NRDC: variants seen among roughly 807,000 people sequenced by gnomAD.
The protein encoded by NRDC is nardilysin.
NRDC carries 54 observed loss-of-function variants against 147.1 expected under a neutral mutation model. That is an observed-to-expected ratio of 0.37 (90% CI 0.29 to 0.46). The LOEUF is 0.46. Ranked by LOEUF, NRDC falls within the 20% of genes least tolerant of loss-of-function variation. The pLI, the probability that NRDC is intolerant of heterozygous loss-of-function variation, is 1.00. For synonymous variants in NRDC, 440 were observed against 482.1 expected (o/e 0.91, Z 1.14); for missense variants, 1,082 against 1,370.6 (o/e 0.79, Z 3.33).
At chr1:51,859,512 A>T (rs568492779) in intron 1 of NRDC, among the ~76,000 whole-genome samples, 1 of 152,296 alleles carries the variant, frequency 6.6e-6, no homozygotes, top group South Asian at 2.1e-4. Context: ...CCCCTGCCCT[A>T]GCTTTGCCTC....
intron 26 of NRDC, among the ~76,000 whole-genome samples, 170 bp from the exon 27 acceptor site, chr1:51,791,831 CACAA>C (rs1010763160): frequency 6.6e-6 from 1 of 152,168 alleles, no homozygotes; most frequent in African/African-American, 2.4e-5. Context: ...AATTGGGGAC[CACAA>C]ACTAGCCTTT....
chr1:51,800,904 T>C, intron 20 of NRDC: 1 of 485,200 alleles, frequency 2.1e-6, no homozygotes, highest in Non-Finnish European at 3.7e-6. Context: ...GCAGTGGTAC[T>C]ATCGACTGTA....
chr1:51,809,576 A>T (rs72663139), intron 16 of NRDC, among the ~76,000 whole-genome samples, 175 bp from the exon 17 acceptor site: 6 of 152,274 alleles, frequency 3.9e-5, no homozygotes, highest in Admixed American at 6.5e-5. Context: ...TCCTAGCAGC[A>T]CTGGCATCAC....
rs542285626 is a variant in NRDC, at chr1:51,793,710, G to T, written c.2775+762C>A. 2.0e-5 allele frequency among the ~76,000 whole-genome samples: 3 copies of T among 152,328 alleles called. No individual in the cohort carries two copies. In the East Asian group the frequency reaches 5.8e-4, roughly 29 times the overall value. ...CCAGTCAGGGATCTTCACAAGACCT[G>T]ACAAAGAAGTGAATTCCTGATGCAG... On this transcript the variant is annotated intron_variant, in intron 24 of 30. Transcript: ENST00000352171.
At chr1:51,873,915 G>A (rs551514312) in intron 1 of NRDC, among the ~76,000 whole-genome samples, 6 of 151,840 alleles carry the variant, frequency 4.0e-5, no homozygotes, top group African/African-American at 1.2e-4. Context: ...TCGACAGGGC[G>A]TGGTAGCTCA....
chr1:51,798,380 G>A lies in NRDC; in HGVS notation c.2473C>T (p.Arg825Cys), dbSNP rs757179835. 2.5e-6 allele frequency: 4 copies of A among 1,613,930 alleles called. No homozygotes were observed. Among genetic ancestry groups the A allele is most frequent in the South Asian group, 1.1e-5 (1 of 91,076 alleles). ...DVRLLILEYA[R>C]WSMIDKYQAL... ...TGGTACTTGTCAATCATAGACCAAC[G>A]GGCATATTCCAAGATTAAAAGCCGT... The change falls in exon 22 of 31, where the codon CGT (arginine) becomes TGT (cysteine). Residue 825 changes from arginine (R) to cysteine (C), a missense_variant. Physicochemically the swap from Arg to Cys is radical, Grantham distance 180 (BLOSUM62 -3). This residue lies in a region of NRDC where 635 missense variants were observed against 923.8 expected (regional missense o/e 0.69). Coordinates refer to ENST00000352171, the MANE Select transcript of NRDC (RefSeq NM_001101662.2).
intron 2 of NRDC, among the ~76,000 whole-genome samples, chr1:51,838,101 C>T (rs981503060): frequency 1.3e-5 from 2 of 152,196 alleles, no homozygotes; most frequent in African/African-American, 4.8e-5. Context: ...GAACCCATTG[C>T]TTCTGAATCA....
chr1:51,878,254 A>C, intron 1 of NRDC, 21 bp downstream of exon 1: 1 of 1,597,434 alleles, frequency 6.3e-7, no homozygotes, highest in South Asian at 1.1e-5. Flanking sequence ...TCGCCTCCCC[A>C]TTGCAAGCCT....
At chr1:51,802,681 T>C (rs1018190379) in intron 20 of NRDC, among the ~76,000 whole-genome samples, 6 of 152,184 alleles carry the variant, frequency 3.9e-5, no homozygotes, top group African/African-American at 1.4e-4. Flanking sequence ...CTGAGACCAA[T>C]CTTTGTTCCA....
At chr1:51,817,112 T>C (rs1405287997) in intron 10 of NRDC, among the ~76,000 whole-genome samples, 2 of 152,198 alleles carry the variant, frequency 1.3e-5, no homozygotes, top group African/African-American at 4.8e-5. Context: ...TCTGTATATA[T>C]GAGAAAATTT....
intron 1 of NRDC, among the ~76,000 whole-genome samples, chr1:51,872,848 G>A (rs949321585): frequency 6.0e-5 from 9 of 150,734 alleles, no homozygotes; most frequent in African/African-American, 1.7e-4. Context: ...TTTGAATCTC[G>A]TGAAGTAATA....
At chr1:51,824,517 A>G (rs1325040640) in intron 6 of NRDC, among the ~76,000 whole-genome samples, 1 of 152,210 alleles carries the variant, frequency 6.6e-6, no homozygotes, top group Non-Finnish European at 1.5e-5. Flanking sequence ...AACACCCTTT[A>G]AAGAATAATT....
chr1:51,816,377 A>T lies in NRDC; in HGVS notation c.1374T>A (p.Leu458=). ...PQQQHYRVKP[L]HYISWLVGHE... is the part of the protein sequence containing the mutation. ...GTCCAACCAGCCAGGATATATAATG[A>T]AGTGGCTTCACCCTTTTAAAAAAAT... is the stretch of plus-strand genomic sequence containing the variant. Residue 458 remains leucine (L), a synonymous_variant, in exon 11 of 31, where the codon CTT becomes CTA. Coordinates refer to ENST00000352171, the MANE Select transcript of NRDC (RefSeq NM_001101662.2). 2 of 1,598,204 alleles carry T rather than the reference A, an allele frequency of 1.3e-6. No homozygotes were observed. Among genetic ancestry groups the T allele is most frequent in the Non-Finnish European group, 1.7e-6 (2 of 1,171,968 alleles).
intron 4 of NRDC, among the ~76,000 whole-genome samples, chr1:51,832,910 C>T (rs1396890772): frequency 6.6e-6 from 1 of 152,086 alleles, no homozygotes; most frequent in Non-Finnish European, 1.5e-5. Flanking sequence ...TGATTAAACA[C>T]CTTATGGTAC....
At chr1:51,826,490 T>A (rs1274614911) in intron 5 of NRDC, among the ~76,000 whole-genome samples, 1 of 152,190 alleles carries the variant, frequency 6.6e-6, no homozygotes. Context: ...GACTGCACTT[T>A]GACACATAAT....
At chr1:51,875,561 T>C (rs1038799272) in intron 1 of NRDC, among the ~76,000 whole-genome samples, 12 of 152,148 alleles carry the variant, frequency 7.9e-5, no homozygotes, top group Non-Finnish European at 1.5e-4. Context: ...GTGCCCTAGT[T>C]TTATTTATTT....
intron 1 of NRDC, among the ~76,000 whole-genome samples, chr1:51,874,683 C>T (rs72901966): frequency 0.016 from 2,491 of 152,230 alleles, 75 homozygotes; most frequent in African/African-American, 0.057. Context: ...TTCCACTCAA[C>T]ACCAATAAAA....
At position 51,812,209 on chromosome 1, in the gene NRDC, CT is replaced by C. The variant is rs563808782; in HGVS notation, c.1675-112del. 448 of 729,772 alleles carry C rather than the reference CT, an allele frequency of 6.1e-4. 4 individuals are homozygous for C. Among genetic ancestry groups the C allele is most frequent in the South Asian group, 4.4e-3 (251 of 56,554 alleles). The allele number at this position is 729,772 out of a possible 1,614,324, so 45.2% of individuals were successfully genotyped here. On this transcript the variant is annotated intron_variant, in intron 14 of 30. Transcript: ENST00000352171. Reference sequence around the variant, plus strand: ...TTATTAACAATAAAACCAAAAGCTTCTGAACAGATACAACGAGATATAATTG... The same window carrying C: ...TTATTAACAATAAAACCAAAAGCTTCGAACAGATACAACGAGATATAATTG...
At chr1:51,822,455 C>T (rs1287113214) in intron 7 of NRDC, among the ~76,000 whole-genome samples, 6 of 152,276 alleles carry the variant, frequency 3.9e-5, no homozygotes, top group Admixed American at 2.0e-4. Flanking sequence ...GCAGGAGGAT[C>T]ACCTGAGCCC....
Sources: gnomAD v4.1 joint callset for allele counts (sites outside exome capture counted in the v4.1 genomes callset) on GRCh38, gnomAD v4.1.1 for gene constraint, gnomAD v4.1.1 regional missense constraint, MANE v1.5 for transcripts, NCBI Gene and HGNC (gene_info 2026-07-23, HGNC 2026-07-21) for gene names.